SLC25A45: variants seen among roughly 807,000 people sequenced by gnomAD.
The protein encoded by SLC25A45 is solute carrier family 25 member 45, also known as methylated amino-acid transporter SLC25A45.
A neutral mutation model predicts 23.0 loss-of-function variants in SLC25A45; 22 were observed. That is an observed-to-expected ratio of 0.95 (90% CI 0.68 to 1.36). The LOEUF is 1.36. Ranked by LOEUF, SLC25A45 falls within the 40% of genes most tolerant of loss-of-function variation. The pLI is 0.00. For synonymous variants in SLC25A45, 136 were observed against 155.0 expected, an observed-to-expected ratio of 0.88 and a Z score of 0.91; for missense variants, 355 against 383.5, an observed-to-expected ratio of 0.93 and a Z score of 0.62.
rs536347201 is a variant in SLC25A45, at chr11:65,376,366, G to T, written c.*41C>A. 1.2e-6 allele frequency: 2 copies of T among 1,600,334 alleles called. No homozygotes were observed. The highest frequency in any genetic ancestry group is 2.2e-5 in the South Asian group (2 of 90,382). ...CCTCCAATCTCAAACTGGCCTCCAG[G>T]CCGTGGGCCTGATGGGGAGCTGCTG... On this transcript the variant is annotated 3_prime_UTR_variant, in exon 7 of 7. Coordinates refer to ENST00000398802, the MANE Select transcript of SLC25A45 (RefSeq NM_182556.4).
intron 2 of SLC25A45, chr11:65,380,462 G>A (rs183840260): frequency 1.2e-5 from 15 of 1,218,368 alleles, no homozygotes; most frequent in Admixed American, 2.2e-5. Flanking sequence ...ACGTGTCCTC[G>A]CTGGAGCCCA....
Position 65,376,482 on chromosome 11 carries a change from G to C in SLC25A45, c.792C>G (p.Ile264Met). 6.2e-7 allele frequency: 1 copy of C among 1,614,192 alleles called. No individual in the cohort carries two copies. Residue 264 changes from isoleucine (I) to methionine (M), a missense_variant, in exon 7 of 7, where the codon ATC becomes ATG. Physicochemically the swap from Ile to Met is conservative, Grantham distance 10. Transcript: ENST00000398802. ...TGACGGGAAAGGCGCGGGCACTGTT[G>C]ATGGTGACCCCCCGGAAGAAGACTC... ...GLGVFFRGVT[I>M]NSARAFPVNA...
chr11:65,379,877 C>T lies in SLC25A45; in HGVS notation c.143G>A (p.Arg48His), dbSNP rs750970324. ...GAGTGGGCCACTCACGGACTCATGG[C>T]GGTAAATCTTGACCATGCAATCAAC... is the stretch of plus-strand genomic sequence containing the variant. The part of the protein sequence containing the change: ...GIVDCMVKIY[R>H]HESLLGFFKG... Residue 48 changes from arginine (R) to histidine (H), a missense_variant, in exon 4 of 7, where the codon CGC becomes CAC. Transcript: ENST00000398802. The T allele has an allele frequency of 8.1e-6, 13 of 1,614,066 alleles. No individual in the cohort carries two copies. Among genetic ancestry groups the T allele is most frequent in the East Asian group, 6.7e-5 (3 of 44,890 alleles).
intron 5 of SLC25A45, 121 bp from the exon 6 acceptor site, chr11:65,377,197 C>T (rs1855258415): frequency 6.9e-7 from 1 of 1,453,074 alleles, no homozygotes. Flanking sequence ...AGGAACCCTG[C>T]CGGCACCCAG....
intron 4 of SLC25A45, 62 bp from the exon 5 acceptor site, chr11:65,379,623 C>T: frequency 1.3e-6 from 2 of 1,504,754 alleles, no homozygotes; most frequent in Admixed American, 2.1e-5. Context: ...GTCCTCTCCA[C>T]CCCTGGCAAG....
chr11:65,381,145 T>G (rs945049228), intron 2 of SLC25A45: 1 of 153,046 alleles, frequency 6.5e-6, no homozygotes, highest in Admixed American at 6.5e-5. Flanking sequence ...ACTTTTTTTT[T>G]TTGACACAGG....
chr11:65,381,191 C>T (rs532003894), intron 2 of SLC25A45: 121 of 152,378 alleles, frequency 7.9e-4, no homozygotes, highest in Non-Finnish European at 1.5e-3. Flanking sequence ...AGTGCAGTGG[C>T]ATGATCATGG....
intron 3 of SLC25A45, 33 bp downstream of exon 3, chr11:65,380,099 C>A: frequency 1.2e-6 from 2 of 1,608,102 alleles, no homozygotes; most frequent in Non-Finnish European, 1.7e-6. Context: ...CAGGTGAGAT[C>A]TTTCATTCCT....
In SLC25A45 at chr11:65,381,964, C is replaced by A. The variant is rs116374093; in HGVS notation, c.-13G>T. 1.2e-6 allele frequency: 2 copies of A among 1,613,604 alleles called. No homozygotes were observed. Among genetic ancestry groups the A allele is most frequent in the South Asian group, 1.1e-5 (1 of 91,084 alleles). On this transcript the variant is annotated 5_prime_UTR_variant, in exon 2 of 7. Coordinates refer to ENST00000398802, the MANE Select transcript of SLC25A45 (RefSeq NM_182556.4). The stretch of plus-strand genomic sequence containing the variant: ...CCTCCACCGGCATTGTCTGGGCTTG[C>A]GGGAACTGGTGGCTCCAGCAGAGGA...
intron 2 of SLC25A45, chr11:65,380,687 C>A: frequency 9.8e-7 from 1 of 1,021,702 alleles, no homozygotes; most frequent in Non-Finnish European, 1.3e-6. Flanking sequence ...TCCCCTCCAC[C>A]TGCCCACTGC....
In SLC25A45 at chr11:65,375,970, G is replaced by A. The variant is rs1855141129; in HGVS notation, c.*437C>T. The A allele has an allele frequency of 5.8e-6, 1 of 173,694 alleles. No homozygotes were observed. The highest frequency in any genetic ancestry group is 2.4e-5 in the African/African-American group (1 of 41,586). 10.8% of individuals were successfully genotyped at this position (173,694 alleles called of 1,614,324 possible). A position where few individuals can be genotyped will look rare whatever the true frequency, so the allele number is the denominator to read the frequency against. ...CCAGCTACTTGGGAGGCTGAGGCAG[G>A]AGAGTTGCTTGAACCCGGAAGGTGG... On this transcript the variant is annotated 3_prime_UTR_variant, in exon 7 of 7. Coordinates refer to ENST00000398802, the MANE Select transcript of SLC25A45 (RefSeq NM_182556.4).
intron 5 of SLC25A45, chr11:65,377,503 A>AAG: frequency 1.2e-6 from 1 of 801,600 alleles, no homozygotes; most frequent in African/African-American, 1.9e-5. Flanking sequence ...CCCAGGGTGA[A>AAG]GGAGGTCCCC....
chr11:65,377,876 G>A (rs1013484706), intron 5 of SLC25A45: 3 of 152,316 alleles, frequency 2.0e-5, no homozygotes, highest in Non-Finnish European at 4.4e-5. Flanking sequence ...CTGTCTCTGA[G>A]GGATTTATCT....
At chr11:65,379,337 C>A (rs1193894556) in intron 5 of SLC25A45, 39 bp downstream of exon 5, 1 of 1,598,554 alleles carries the variant, frequency 6.3e-7, no homozygotes, top group South Asian at 1.1e-5. Context: ...GATGACCATC[C>A]CTATGACACC....
chr11:65,380,454 G>A (rs368736343), intron 2 of SLC25A45: 11 of 1,148,200 alleles, frequency 9.6e-6, no homozygotes, highest in East Asian at 2.8e-5. Context: ...AAAGACGTAC[G>A]TGTCCTCGCT....
chr11:65,379,766 TCTC>T lies in SLC25A45; in HGVS notation c.153+98_153+100del, dbSNP rs1235372846. The T allele has an allele frequency of 1.6e-5, 24 of 1,491,044 alleles. No individual in the cohort carries two copies. The African/African-American group carries it at 2.3e-4, about 15-fold the overall frequency. 92.4% of individuals were successfully genotyped at this position (1,491,044 alleles called of 1,614,324 possible). ...CCCAAGGATCCCAGACTTGGTCTTCTCTCCTCCAGGAGCAGAACCCTGCTGGAG... is the reference window on the plus strand; with the variant it reads ...CCCAAGGATCCCAGACTTGGTCTTCTCTCCAGGAGCAGAACCCTGCTGGAG... On this transcript the variant is annotated intron_variant, in intron 4 of 6. Transcript: ENST00000398802.
chr11:65,377,361 C>A (rs765032626), intron 5 of SLC25A45: 8 of 1,286,554 alleles, frequency 6.2e-6, no homozygotes, highest in Non-Finnish European at 7.9e-6. Flanking sequence ...TCAGAACAAG[C>A]CTGGATTCTT....
rs932249717 is a variant in SLC25A45 at position 65,376,675 on chromosome 11, C to T, written c.599G>A (p.Ser200Asn). Reference sequence around the variant, plus strand: ...CCCTGCCACCAGCACCGTGGCTGAGCCTGGGGCAGAGAGAGCCCAGAGCAG... The same window carrying T: ...CCCTGCCACCAGCACCGTGGCTGAGTCTGGGGCAGAGAGAGCCCAGAGCAG... ...RQYTPEGQNP[S>N]SATVLVAGGF... is the part of the protein sequence containing the mutation. The change falls in exon 7 of 7, where the codon AGC (serine) becomes AAC (asparagine). Residue 200 changes from serine (S) to asparagine (N), a missense_variant and splice_region_variant. Ser to Asn is a conservative substitution (Grantham distance 46). Coordinates refer to ENST00000398802, the MANE Select transcript of SLC25A45 (RefSeq NM_182556.4). The T allele has an allele frequency of 6.2e-7, 1 of 1,613,770 alleles. No homozygotes were observed.
At chr11:65,379,237 G>T in intron 5 of SLC25A45, 139 bp downstream of exon 5, 1 of 945,822 alleles carries the variant, frequency 1.1e-6, no homozygotes, top group Non-Finnish European at 1.6e-6. Context: ...CAGCCTGGAA[G>T]GCCATAGCAC....
Sources: allele counts gnomAD v4.1 joint callset, GRCh38; gene constraint gnomAD v4.1.1; transcripts MANE v1.5; gene names NCBI Gene and HGNC (gene_info 2026-07-23, HGNC 2026-07-21).